Variants in ZMAT4 observed in about 807,000 individuals in gnomAD.
The protein encoded by ZMAT4 is zinc finger matrin-type 4, also known as zinc finger matrin-type protein 4.
In ZMAT4, 17 loss-of-function variants were observed where a neutral mutation model predicts 28.7. The observed-to-expected ratio is 0.59, with a 90% confidence interval of 0.41 to 0.89. The LOEUF (loss-of-function observed/expected upper bound fraction) is 0.89, where lower values mean the gene tolerates loss of function less well. Among genes scored for constraint, ZMAT4 ranks in the 40% least tolerant of loss-of-function variants. The pLI is 0.00. For missense variants in ZMAT4, 240 were observed against 283.8 expected (o/e 0.85, Z 1.11); for synonymous variants, 117 against 109.2 (o/e 1.07, Z -0.44).
intron 6 of ZMAT4, among the ~76,000 whole-genome samples, chr8:40,549,626 C>CT (rs988529458): frequency 6.6e-6 from 1 of 152,126 alleles, no homozygotes; most frequent in Non-Finnish European, 1.5e-5. Flanking sequence ...TTTTCAAATA[C>CT]TTTTTTAGCT....
At chr8:40,798,309 T>C (rs1322991366) in intron 2 of ZMAT4, among the ~76,000 whole-genome samples, 2 of 152,154 alleles carry the variant, frequency 1.3e-5, no homozygotes, top group Non-Finnish European at 2.9e-5. Context: ...TGGCAAACAT[T>C]TATCAAGCTC....
chr8:40,618,777 C>A (rs951926191), intron 5 of ZMAT4, among the ~76,000 whole-genome samples: 1 of 152,144 alleles, frequency 6.6e-6, no homozygotes, highest in Non-Finnish European at 1.5e-5. Context: ...CTGAAAAGCA[C>A]AGTTTCCTGC....
intron 3 of ZMAT4, among the ~76,000 whole-genome samples, chr8:40,712,078 A>G (rs7845664): frequency 0.55 from 83,917 of 152,004 alleles, 23,481 homozygotes; most frequent in African/African-American, 0.63. Flanking sequence ...AGGATGAAGC[A>G]CACACTAAAA....
chr8:40,658,663 CAA>C (rs1585833999), intron 5 of ZMAT4, among the ~76,000 whole-genome samples: 2 of 142,724 alleles, frequency 1.4e-5, no homozygotes, highest in African/African-American at 5.1e-5. Flanking sequence ...CACACACACA[CAA>C]ACACAAAACT....
intron 2 of ZMAT4, among the ~76,000 whole-genome samples, chr8:40,771,587 G>A (rs1813392108): frequency 6.6e-6 from 1 of 152,134 alleles, no homozygotes; most frequent in Non-Finnish European, 1.5e-5. Flanking sequence ...CCTTGTTAAT[G>A]TCTTATTAAC....
intron 5 of ZMAT4, among the ~76,000 whole-genome samples, chr8:40,656,071 C>T (rs756647326): frequency 1.1e-4 from 17 of 151,980 alleles, no homozygotes; most frequent in Admixed American, 6.6e-4. Flanking sequence ...ATCCAGTATC[C>T]AGACTACATA....
At chr8:40,774,175 G>T (rs1422399103) in intron 2 of ZMAT4, among the ~76,000 whole-genome samples, 1 of 152,122 alleles carries the variant, frequency 6.6e-6, no homozygotes, top group Non-Finnish European at 1.5e-5. Flanking sequence ...GAGATCAGAA[G>T]TGTCCTCACA....
chr8:40,557,612 C>T (rs577589663), intron 6 of ZMAT4, among the ~76,000 whole-genome samples: 3 of 152,174 alleles, frequency 2.0e-5, no homozygotes, highest in Non-Finnish European at 4.4e-5. Context: ...AGGTTGGTAG[C>T]CCCTCTTTTA....
chr8:40,760,479 T>G (rs1218482710), intron 3 of ZMAT4, among the ~76,000 whole-genome samples: 1 of 152,066 alleles, frequency 6.6e-6, no homozygotes, highest in Admixed American at 6.5e-5. Flanking sequence ...CGCAGCACCC[T>G]CACCAGAACC....
chr8:40,552,203 C>T (rs186156718), intron 6 of ZMAT4, among the ~76,000 whole-genome samples: 570 of 152,298 alleles, frequency 3.7e-3, no homozygotes, highest in Admixed American at 6.8e-3. Context: ...AACTCCAGTT[C>T]TGAGTGAGCT....
intron 5 of ZMAT4, among the ~76,000 whole-genome samples, chr8:40,633,348 C>T (rs772023976): frequency 2.6e-5 from 4 of 152,102 alleles, no homozygotes; most frequent in Non-Finnish European, 5.9e-5. Flanking sequence ...CTCTTCTGTC[C>T]CCGATAAGTG....
At chr8:40,642,654 G>A (rs895044506) in intron 5 of ZMAT4, among the ~76,000 whole-genome samples, 2 of 152,182 alleles carry the variant, frequency 1.3e-5, no homozygotes, top group Non-Finnish European at 2.9e-5. Flanking sequence ...CCCTAGAAAA[G>A]CTATCTGCTA....
chr8:40,705,730 A>G (rs1006228137), intron 3 of ZMAT4, among the ~76,000 whole-genome samples: 5 of 152,228 alleles, frequency 3.3e-5, no homozygotes, highest in African/African-American at 9.6e-5. Flanking sequence ...TTGTGGCAAG[A>G]GCACTTAACA....
At chr8:40,627,965 G>A (rs1188380889) in intron 5 of ZMAT4, among the ~76,000 whole-genome samples, 1 of 152,174 alleles carries the variant, frequency 6.6e-6, no homozygotes, top group Non-Finnish European at 1.5e-5. Flanking sequence ...AGGGAATGTG[G>A]TGGAGTTAGA....
At chr8:40,591,567 G>A (rs1223046971) in intron 5 of ZMAT4, among the ~76,000 whole-genome samples, 1 of 152,024 alleles carries the variant, frequency 6.6e-6, no homozygotes, top group Non-Finnish European at 1.5e-5. Flanking sequence ...GCTCCTTCCT[G>A]CCTCACCTCC....
chr8:40,854,370 A>G (rs1311004792), intron 1 of ZMAT4, among the ~76,000 whole-genome samples: 2 of 152,366 alleles, frequency 1.3e-5, no homozygotes, highest in Non-Finnish European at 2.9e-5. Flanking sequence ...AAGCTAGGAC[A>G]GCTCAAAGGA....
chr8:40,687,537 A>T (rs1809467902), intron 4 of ZMAT4, among the ~76,000 whole-genome samples: 2 of 152,212 alleles, frequency 1.3e-5, no homozygotes, highest in South Asian at 4.1e-4. Flanking sequence ...GGTAGAAGTC[A>T]TTCTATACCC....
At chr8:40,718,995 C>A (rs10103290) in intron 3 of ZMAT4, among the ~76,000 whole-genome samples, 2 of 152,132 alleles carry the variant, frequency 1.3e-5, no homozygotes, top group Non-Finnish European at 2.9e-5. Flanking sequence ...ATGATCAAGT[C>A]CAATTCTTGG....
intron 5 of ZMAT4, among the ~76,000 whole-genome samples, chr8:40,590,518 T>C (rs887699194): frequency 1.3e-5 from 2 of 152,106 alleles, no homozygotes; most frequent in Non-Finnish European, 2.9e-5. Flanking sequence ...CATTGGAATA[T>C]GCATTCAAGC....
Sources: gnomAD v4.1 joint callset for allele counts (sites outside exome capture counted in the v4.1 genomes callset) on GRCh38, gnomAD v4.1.1 for gene constraint, MANE v1.5 for transcripts, NCBI Gene and HGNC (gene_info 2026-07-23, HGNC 2026-07-21) for gene names.